The following KCNIP4 variants were observed in gnomAD, a reference collection of about 807,000 sequenced individuals.
KCNIP4 encodes potassium voltage-gated channel interacting protein 4.
Under a neutral mutation model 34.0 loss-of-function variants are expected in KCNIP4, and 12 were observed. The ratio of observed to expected loss-of-function variants is 0.35; its 90% CI spans 0.23 to 0.57. The LOEUF is 0.57. Ranked by LOEUF, KCNIP4 falls within the 20% of genes least tolerant of loss-of-function variation. The probability of loss-of-function intolerance (pLI) is 0.83; values close to 1 mark genes in which losing one functional copy is unlikely to be tolerated. For synonymous variants in KCNIP4, 124 were observed against 102.2 expected, an observed-to-expected ratio of 1.21 and a Z score of -1.29; for missense variants, 238 against 311.7, an observed-to-expected ratio of 0.76 and a Z score of 1.78.
At chr4:21,327,360 T>C (rs970163635) in intron 1 of KCNIP4, among the ~76,000 whole-genome samples, 2 of 152,170 alleles carry the variant, frequency 1.3e-5, no homozygotes, top group African/African-American at 4.8e-5. Flanking sequence ...ACTTTAAACA[T>C]GTCATGCCAA....
intron 1 of KCNIP4, among the ~76,000 whole-genome samples, chr4:21,332,584 C>T (rs1484103364): frequency 6.6e-6 from 1 of 152,010 alleles, no homozygotes; most frequent in Non-Finnish European, 1.5e-5. Context: ...GCACAGCAAC[C>T]CTGACTTGGT....
At position 20,729,419 on chromosome 4, in the gene KCNIP4, A is replaced by AATGCTTATTAAAATAAGTTTT. The variant is rs1747192732; in HGVS notation, c.*642_*662dup. On this transcript the variant is annotated 3_prime_UTR_variant, in exon 9 of 9. Transcript: ENST00000382152. ...GGCTGTAACATATTATGGAAAATTA[A>AATGCTTATTAAAATAAGTTTT]ATGCTTATTAAAATAAGTTTTATTA... 5 of 152,408 alleles carry AATGCTTATTAAAATAAGTTTT rather than the reference A, an allele frequency of 3.3e-5. No homozygotes were observed. In the South Asian group the frequency reaches 1.1e-3, roughly 33 times the overall value. 9.4% of individuals were successfully genotyped at this position (152,408 alleles called of 1,614,324 possible). A position where few individuals can be genotyped will look rare whatever the true frequency, so the allele number is the denominator to read the frequency against.
At chr4:21,699,040 C>T (rs1481932472) in intron 1 of KCNIP4, among the ~76,000 whole-genome samples, 2 of 152,148 alleles carry the variant, frequency 1.3e-5, no homozygotes, top group African/African-American at 2.4e-5. Context: ...AAATCAGCAA[C>T]GTGCTTTCTG....
At chr4:21,644,826 C>T (rs1018934779) in intron 1 of KCNIP4, among the ~76,000 whole-genome samples, 1 of 152,048 alleles carries the variant, frequency 6.6e-6, no homozygotes, top group Non-Finnish European at 1.5e-5. Flanking sequence ...TTTTTGATCT[C>T]TCTATGATTT....
intron 1 of KCNIP4, chr4:21,697,693 T>C: frequency 1.6e-6 from 2 of 1,246,422 alleles, no homozygotes; most frequent in Non-Finnish European, 2.0e-6. Flanking sequence ...CAAGTTCTTC[T>C]GTGGCAACAG....
At chr4:21,343,243 T>A (rs1458271899) in intron 1 of KCNIP4, among the ~76,000 whole-genome samples, 1 of 152,044 alleles carries the variant, frequency 6.6e-6, no homozygotes, top group Admixed American at 6.6e-5. Context: ...CATAATGTAC[T>A]TGGAGTTAGA....
rs116286663 is a variant in KCNIP4, at chr4:21,897,658, A to G, written c.61+50913T>C. Among the ~76,000 whole-genome samples the G allele has an allele frequency of 7.6e-3, 1,156 of 152,318 alleles. 15 individuals are homozygous for G. Among genetic ancestry groups the G allele is most frequent in the African/African-American group, 0.026 (1,096 of 41,564 alleles). ...AAGGGCTTTAGAATGAATAATCTAAAGGACTTCCAGGAATGAAAATGAAAC... is the reference window on the plus strand; with the variant it reads ...AAGGGCTTTAGAATGAATAATCTAAGGGACTTCCAGGAATGAAAATGAAAC... On this transcript the variant is annotated intron_variant, in intron 1 of 8. Transcript: ENST00000382152.
intron 1 of KCNIP4, among the ~76,000 whole-genome samples, chr4:21,759,699 G>A (rs1456212444): frequency 4.6e-5 from 7 of 152,076 alleles, no homozygotes; most frequent in Non-Finnish European, 8.8e-5. Flanking sequence ...AGGGCAGTCT[G>A]AAGTCTTCAT....
intron 1 of KCNIP4, among the ~76,000 whole-genome samples, chr4:21,799,061 T>C (rs1333751499): frequency 6.6e-6 from 1 of 152,140 alleles, no homozygotes; most frequent in East Asian, 1.9e-4. Context: ...CTCTATAATT[T>C]CAACTTTTAC....
intron 1 of KCNIP4, among the ~76,000 whole-genome samples, chr4:21,333,678 C>T (rs1459678225): frequency 6.6e-6 from 1 of 150,780 alleles, no homozygotes; most frequent in Non-Finnish European, 1.5e-5. Context: ...AATTTTTTTC[C>T]ACCAGTTAAA....
intron 1 of KCNIP4, among the ~76,000 whole-genome samples, chr4:21,694,923 AAAAAAAAT>A (rs1339302146): frequency 2.1e-5 from 2 of 93,470 alleles, no homozygotes; most frequent in Admixed American, 9.0e-5. Context: ...CCAAAAAAAA[AAAAAAAAT>A]AAAAATAAAT....
intron 1 of KCNIP4, among the ~76,000 whole-genome samples, chr4:21,341,745 T>C (rs1194139779): frequency 1.3e-5 from 2 of 152,148 alleles, no homozygotes; most frequent in African/African-American, 2.4e-5. Flanking sequence ...GCCTCAAGTC[T>C]TTGGCAAAGT....
chr4:21,913,092 T>G (rs1259073144), intron 1 of KCNIP4, among the ~76,000 whole-genome samples: 1 of 151,908 alleles, frequency 6.6e-6, no homozygotes, highest in South Asian at 2.1e-4. Context: ...ATGCAGGTGT[T>G]GCAACCTGCA....
At chr4:21,855,935 CA>C (rs1219427465) in intron 1 of KCNIP4, among the ~76,000 whole-genome samples, 1 of 152,152 alleles carries the variant, frequency 6.6e-6, no homozygotes, top group Non-Finnish European at 1.5e-5. Context: ...AAATTTAAAT[CA>C]ATTAACAACA....
chr4:21,173,271 A>AGATATT (rs1343088722), intron 1 of KCNIP4, among the ~76,000 whole-genome samples: 1 of 152,138 alleles, frequency 6.6e-6, no homozygotes, highest in East Asian at 1.9e-4. Context: ...TTTGGGGGAA[A>AGATATT]AAAAACCACT....
chr4:20,857,764 G>A (rs999109214), intron 2 of KCNIP4, among the ~76,000 whole-genome samples: 8 of 152,016 alleles, frequency 5.3e-5, no homozygotes, highest in African/African-American at 1.7e-4. Flanking sequence ...CCTCAGAAAA[G>A]TTAACTGTAT....
At chr4:21,259,086 C>T (rs1446982369) in intron 1 of KCNIP4, among the ~76,000 whole-genome samples, 4 of 152,118 alleles carry the variant, frequency 2.6e-5, no homozygotes, top group East Asian at 1.9e-4. Flanking sequence ...ATACTTTTCA[C>T]GTCATACTGA....
intron 1 of KCNIP4, among the ~76,000 whole-genome samples, chr4:21,604,830 CAAACTAGAAAAGT>C (rs1743505241): frequency 6.6e-6 from 1 of 152,144 alleles, no homozygotes; most frequent in Non-Finnish European, 1.5e-5. Flanking sequence ...TATTGAAAGA[CAAACTAGAAAAGT>C]AAAGTAGCTA....
chr4:20,842,006 C>T (rs909712567), intron 3 of KCNIP4, among the ~76,000 whole-genome samples: 17 of 152,270 alleles, frequency 1.1e-4, no homozygotes, highest in African/African-American at 3.9e-4. Flanking sequence ...AAGCTCCCTG[C>T]TCTAGTTCTT....
Sources: allele counts gnomAD v4.1 joint callset (sites outside exome capture counted in the v4.1 genomes callset), GRCh38; gene constraint gnomAD v4.1.1; transcripts MANE v1.5; gene names NCBI Gene and HGNC (gene_info 2026-07-23, HGNC 2026-07-21).